The following ZNF423 variants were observed in gnomAD, a reference collection of about 807,000 sequenced individuals.
The protein encoded by ZNF423 is Ebf-associated zinc finger protein.
Under a neutral mutation model 95.8 loss-of-function variants are expected in ZNF423, and 12 were observed. The observed-to-expected ratio is 0.13, with a 90% CI of 0.08 to 0.20. The LOEUF is 0.20. ZNF423 is among the 10% of genes least tolerant of loss of function. The pLI is 1.00. For synonymous variants in ZNF423, 749 were observed against 711.9 expected, an observed-to-expected ratio of 1.05 and a Z score of -0.83; for missense variants, 1,316 against 1,737.1, an observed-to-expected ratio of 0.76 and a Z score of 4.31.
chr16:49,696,819 C>T (rs2031992755), intron 3 of ZNF423, among the ~76,000 whole-genome samples: 2 of 152,208 alleles, frequency 1.3e-5, no homozygotes, highest in African/African-American at 4.8e-5. Flanking sequence ...GCCTGGGCCT[C>T]CAGGAGGCTC....
At chr16:49,854,469 C>T in intron 1 of ZNF423, 1 of 985,466 alleles carries the variant, frequency 1.0e-6, no homozygotes, top group African/African-American at 1.7e-5. Flanking sequence ...CCCGCGCAGG[C>T]CTCCAGGAAA....
chr16:49,833,831 TGGGTGGGCA>T (rs1217041910), intron 1 of ZNF423, among the ~76,000 whole-genome samples: 1 of 51,186 alleles, frequency 2.0e-5, no homozygotes, highest in Non-Finnish European at 4.2e-5. Context: ...GCAGCAGGGC[TGGGTGGGCA>T]GGGAGGGCAG....
intron 3 of ZNF423, among the ~76,000 whole-genome samples, chr16:49,671,965 G>A (rs1383165167): frequency 3.9e-5 from 6 of 152,140 alleles, no homozygotes; most frequent in African/African-American, 1.2e-4. Context: ...GACTACAGGC[G>A]TGAGCCACCG....
In ZNF423 at chr16:49,698,838, A is replaced by G. The variant is rs556305058; in HGVS notation, c.301+31933T>C. On this transcript the variant is annotated intron_variant, in intron 3 of 7. Transcript: ENST00000563137. ...AAAACTCCAACCTTCTGAAGAGAAGAAAGAACAAAACCACAAATTTAGATT... is the reference window on the plus strand; with the variant it reads ...AAAACTCCAACCTTCTGAAGAGAAGGAAGAACAAAACCACAAATTTAGATT... 5.3e-5 allele frequency among the ~76,000 whole-genome samples: 8 copies of G among 152,376 alleles called. No homozygotes were observed. In the South Asian group the frequency reaches 1.7e-3, roughly 32 times the overall value.
intron 7 of ZNF423, among the ~76,000 whole-genome samples, chr16:49,513,729 G>C (rs1310294756): frequency 6.6e-6 from 1 of 152,164 alleles, no homozygotes; most frequent in African/African-American, 2.4e-5. Context: ...TCAGAGTGGA[G>C]AGTTTGGTGT....
chr16:49,822,593 C>G, intron 1 of ZNF423: 1 of 1,257,836 alleles, frequency 8.0e-7, no homozygotes, highest in African/African-American at 1.5e-5. Context: ...TCCAAGAGAA[C>G]TAAGCTCTAG....
intron 4 of ZNF423, among the ~76,000 whole-genome samples, chr16:49,631,740 A>T (rs1260117909): frequency 6.6e-6 from 1 of 152,230 alleles, no homozygotes; most frequent in East Asian, 1.9e-4. Context: ...CAGAGCTGTT[A>T]TATTTCCATG....
At chr16:49,602,356 T>C (rs11647222) in intron 5 of ZNF423, among the ~76,000 whole-genome samples, 3,991 of 152,274 alleles carry the variant, frequency 0.026, 94 homozygotes, top group Non-Finnish European at 0.044. Context: ...CCTCATCTTT[T>C]CTGCACTCGA....
Position 49,636,709 on chromosome 16 carries a change from C to T in ZNF423, c.2467G>A (p.Ala823Thr). Residue 823 changes from alanine (A) to threonine (T), a missense_variant, in exon 4 of 8, where the codon GCC (alanine) becomes ACC (threonine). Physicochemically the swap from Ala to Thr is moderately conservative, Grantham distance 58 (BLOSUM62 0). Coordinates refer to ENST00000563137, the MANE Select transcript of ZNF423 (RefSeq NM_001379286.1). This position sits in a 1 kb window ranked among gnomAD's most constrained non-coding sequence, Gnocchi z 8.6. Reference protein sequence around the residue: ...KKYNCKFCSKAFHAIILLEKH... With the variant: ...KKYNCKFCSKTFHAIILLEKH... ...TCCAGCAGGATGATGGCGTGGAAGGCCTTGCTGCAGAACTTACAGTTATAC... is the reference window on the plus strand; with the variant it reads ...TCCAGCAGGATGATGGCGTGGAAGGTCTTGCTGCAGAACTTACAGTTATAC... The T allele has an allele frequency of 6.2e-7, 1 of 1,614,048 alleles. No individual in the cohort carries two copies. Among genetic ancestry groups the T allele is most frequent in the Non-Finnish European group, 8.5e-7 (1 of 1,180,018 alleles).
intron 5 of ZNF423, among the ~76,000 whole-genome samples, chr16:49,556,078 C>T (rs971999822): frequency 6.6e-6 from 1 of 152,138 alleles, no homozygotes; most frequent in Non-Finnish European, 1.5e-5. Flanking sequence ...CCACTCAACC[C>T]ATCAAAGGGC....
At chr16:49,822,533 C>T (rs2034957451) in intron 1 of ZNF423, 2 of 595,304 alleles carry the variant, frequency 3.4e-6, no homozygotes, top group Non-Finnish European at 5.6e-6. Context: ...CTCCTTCATC[C>T]TCCCCAGGCA....
intron 1 of ZNF423, among the ~76,000 whole-genome samples, chr16:49,849,493 G>T (rs1176067443): frequency 6.6e-6 from 1 of 152,218 alleles, no homozygotes; most frequent in Non-Finnish European, 1.5e-5. Flanking sequence ...GGGTTTTTAT[G>T]TATCTTGGCT....
chr16:49,601,469 C>T (rs578057158), intron 5 of ZNF423, among the ~76,000 whole-genome samples: 1 of 152,304 alleles, frequency 6.6e-6, no homozygotes, highest in African/African-American at 2.4e-5. Flanking sequence ...CTGAAACTTC[C>T]CACAGGAACG....
At chr16:49,807,466 C>G (rs2034683325) in intron 1 of ZNF423, among the ~76,000 whole-genome samples, 1 of 152,004 alleles carries the variant, frequency 6.6e-6, no homozygotes, top group South Asian at 2.1e-4. Context: ...AAAGCCCAAA[C>G]CTTCCACAGA....
chr16:49,650,730 C>T (rs1203112534), intron 3 of ZNF423, among the ~76,000 whole-genome samples: 1 of 152,164 alleles, frequency 6.6e-6, no homozygotes, highest in Non-Finnish European at 1.5e-5. Flanking sequence ...GTGTGGTCAC[C>T]CCAGTAATGA....
chr16:49,713,049 A>C (rs2032594301), intron 3 of ZNF423, among the ~76,000 whole-genome samples: 1 of 152,228 alleles, frequency 6.6e-6, no homozygotes, highest in Non-Finnish European at 1.5e-5. Context: ...GTACACCTCC[A>C]CTTGCCAGGC....
chr16:49,596,949 T>C (rs1380582887), intron 5 of ZNF423, among the ~76,000 whole-genome samples: 1 of 152,200 alleles, frequency 6.6e-6, no homozygotes, highest in Admixed American at 6.5e-5. Flanking sequence ...GCAAGAAGGA[T>C]GCCTGGGGTT....
chr16:49,820,520 T>C (rs1597040353), intron 1 of ZNF423, among the ~76,000 whole-genome samples: 1 of 152,348 alleles, frequency 6.6e-6, no homozygotes, highest in East Asian at 1.9e-4. Flanking sequence ...TAAATTTAGC[T>C]ACATTTTTTT....
chr16:49,806,098 C>T (rs1231700486), intron 1 of ZNF423, among the ~76,000 whole-genome samples: 1 of 152,274 alleles, frequency 6.6e-6, no homozygotes, highest in African/African-American at 2.4e-5. Flanking sequence ...TAACCAGAAA[C>T]GTGCAGCATA....
Sources: gnomAD v4.1 joint callset for allele counts (sites outside exome capture counted in the v4.1 genomes callset) on GRCh38, gnomAD v4.1.1 for gene constraint, Gnocchi (gnomAD v3.1) non-coding constraint, MANE v1.5 for transcripts, NCBI Gene and HGNC (gene_info 2026-07-23, HGNC 2026-07-21) for gene names.